ATP6V0A1: variants seen among roughly 807,000 people sequenced by gnomAD.
ATP6V0A1 encodes ATPase H+ transporting V0 subunit a1.
ATP6V0A1 carries 43 observed loss-of-function variants against 105.4 expected under a neutral mutation model. That is an observed-to-expected ratio of 0.41 (90% CI 0.32 to 0.53). ATP6V0A1 has a LOEUF of 0.53. Ranked by LOEUF, ATP6V0A1 falls within the 20% of genes least tolerant of loss-of-function variation. The pLI, the probability that ATP6V0A1 is intolerant of heterozygous loss-of-function variation, is 0.30. For synonymous variants in ATP6V0A1, 362 were observed against 372.8 expected, an observed-to-expected ratio of 0.97 and a Z score of 0.33; for missense variants, 676 against 1,051.1, an observed-to-expected ratio of 0.64 and a Z score of 4.93.
intron 11 of ATP6V0A1, among the ~76,000 whole-genome samples, chr17:42,491,204 C>G (rs1361910549): frequency 6.6e-6 from 1 of 152,154 alleles, no homozygotes; most frequent in African/African-American, 2.4e-5. Flanking sequence ...CCCACTATGC[C>G]TGGCCTTTTT....
intron 17 of ATP6V0A1, chr17:42,502,958 A>G (rs989613771): frequency 6.6e-6 from 1 of 152,504 alleles, no homozygotes; most frequent in Non-Finnish European, 1.5e-5. Context: ...AATTGAGAGC[A>G]TGGGACATGT....
Position 42,483,106 on chromosome 17 carries a change from A to G in ATP6V0A1, c.785A>G (p.Asn262Ser). The change falls in exon 9 of 22, where the codon AAT becomes AGT. Residue 262 changes from asparagine (N) to serine (S), a missense_variant. Transcript: ENST00000343619. ...QERKEMASGV[N>S]TRIDDLQMVL... ...AGGAAGGAAATGGCTTCTGGAGTGA[A>G]TACCAGGATTGATGATCTCCAAATG... 1 of 1,550,188 alleles carries G rather than the reference A, an allele frequency of 6.5e-7. No individual in the cohort carries two copies. Among genetic ancestry groups the G allele is most frequent in the Non-Finnish European group, 8.7e-7 (1 of 1,143,760 alleles).
chr17:42,517,795 C>T (rs2092691970), intron 21 of ATP6V0A1: 2 of 152,268 alleles, frequency 1.3e-5, no homozygotes, highest in Non-Finnish European at 2.9e-5. Context: ...TTCCTGGCAT[C>T]CATCCTAGGC....
chr17:42,509,701 T>G (rs1408419601), intron 19 of ATP6V0A1: 1 of 152,214 alleles, frequency 6.6e-6, no homozygotes, highest in African/African-American at 2.4e-5. Flanking sequence ...TTTTAAATGT[T>G]TTCCTAGCCG....
At chr17:42,490,378 T>A (rs1213296625) in intron 10 of ATP6V0A1, 109 bp from the exon 11 acceptor site, 2 of 954,486 alleles carry the variant, frequency 2.1e-6, no homozygotes, top group Non-Finnish European at 1.5e-6. Flanking sequence ...AGAAAATACA[T>A]ACATTTTATG....
chr17:42,462,527 C>A (rs1240037570), intron 2 of ATP6V0A1, among the ~76,000 whole-genome samples: 2 of 151,998 alleles, frequency 1.3e-5, no homozygotes, highest in Non-Finnish European at 2.9e-5. Flanking sequence ...TCAAGCAATT[C>A]TCCTGCCTCA....
At chr17:42,459,259 G>T (rs908312912) in intron 1 of ATP6V0A1, 1 of 152,306 alleles carries the variant, frequency 6.6e-6, no homozygotes, top group African/African-American at 2.4e-5. Context: ...TCAGTTTGGG[G>T]GTTTTCCTCT....
At chr17:42,495,533 A>G in intron 13 of ATP6V0A1, 93 bp from the exon 14 acceptor site, 1 of 951,030 alleles carries the variant, frequency 1.1e-6, no homozygotes, top group South Asian at 1.4e-5. Flanking sequence ...GAGACAAGAT[A>G]GCTACAGTAA....
chr17:42,509,328 T>TA (rs2092225255), intron 19 of ATP6V0A1, among the ~76,000 whole-genome samples: 1 of 152,168 alleles, frequency 6.6e-6, no homozygotes, highest in East Asian at 1.9e-4. Flanking sequence ...CTTAGCAACA[T>TA]ACACTCTTTA....
At chr17:42,513,099 A>T (rs964160244) in intron 19 of ATP6V0A1, among the ~76,000 whole-genome samples, 1 of 152,218 alleles carries the variant, frequency 6.6e-6, no homozygotes, top group African/African-American at 2.4e-5. Context: ...AATTCTTGGT[A>T]TTGAAAGGAA....
chr17:42,497,400 C>T (rs941653593), intron 14 of ATP6V0A1, among the ~76,000 whole-genome samples: 15 of 151,234 alleles, frequency 9.9e-5, no homozygotes, highest in Non-Finnish European at 2.1e-4. Context: ...TAGCTGGGCA[C>T]GGTGGCTCAC....
chr17:42,468,369 C>T (rs1194401564), intron 4 of ATP6V0A1, among the ~76,000 whole-genome samples: 1 of 152,148 alleles, frequency 6.6e-6, no homozygotes, highest in African/African-American at 2.4e-5. Flanking sequence ...TTTACCATTT[C>T]TATGTGTTGG....
chr17:42,514,959 G>C (rs527984734), intron 21 of ATP6V0A1, among the ~76,000 whole-genome samples: 1 of 152,278 alleles, frequency 6.6e-6, no homozygotes, highest in South Asian at 2.1e-4. Context: ...GGACCGGAGG[G>C]ATTCCTGGCT....
At chr17:42,466,347 C>T (rs2087057323) in intron 2 of ATP6V0A1, 82 bp from the exon 3 acceptor site, 16 of 1,237,752 alleles carry the variant, frequency 1.3e-5, no homozygotes, top group South Asian at 3.8e-5. Context: ...ATTAGTTTTT[C>T]GCTTTGCAGA....
intron 2 of ATP6V0A1, among the ~76,000 whole-genome samples, chr17:42,463,072 C>A (rs2086631079): frequency 8.1e-6 from 1 of 122,776 alleles, no homozygotes; most frequent in African/African-American, 3.1e-5. Flanking sequence ...GTGGTGCGAT[C>A]TTGGCTCACT....
chr17:42,517,281 A>AAACAAC (rs547241454), intron 21 of ATP6V0A1, among the ~76,000 whole-genome samples: 1 of 149,694 alleles, frequency 6.7e-6, no homozygotes, highest in Non-Finnish European at 1.5e-5. Context: ...CTCCGTCTCA[A>AAACAAC]AACAACAACA....
chr17:42,495,478 G>T, intron 13 of ATP6V0A1, 148 bp from the exon 14 acceptor site: 1 of 679,072 alleles, frequency 1.5e-6, no homozygotes, highest in Non-Finnish European at 2.5e-6. Flanking sequence ...CTCAGTCTCA[G>T]CTGCTAGTCT....
chr17:42,461,628 T>C (rs967270851), intron 2 of ATP6V0A1, among the ~76,000 whole-genome samples: 6 of 151,836 alleles, frequency 4.0e-5, no homozygotes, highest in Non-Finnish European at 8.8e-5. Context: ...CAAAAAAAAT[T>C]AGCATGGTGG....
chr17:42,495,092 T>C lies in ATP6V0A1; in HGVS notation c.1373T>C (p.Met458Thr). 1 of 1,614,032 alleles carries C rather than the reference T, an allele frequency of 6.2e-7. No individual in the cohort carries two copies. The highest frequency in any genetic ancestry group is 1.1e-5 in the South Asian group (1 of 91,078). The change falls in exon 13 of 22, where the codon ATG (methionine) becomes ACG (threonine). Residue 458 changes from methionine (M) to threonine (T), a missense_variant. By Grantham distance (81) the Met-to-Thr change is moderately conservative. Transcript: ENST00000343619. ...ATTTTATTGATGGGTGTGTTCTCCA[T>C]GTACACTGGCCTCATCTACAATGAT... ...YIILLMGVFS[M>T]YTGLIYNDCF...
Sources: allele counts gnomAD v4.1 joint callset (sites outside exome capture counted in the v4.1 genomes callset), GRCh38; gene constraint gnomAD v4.1.1; transcripts MANE v1.5; gene names NCBI Gene and HGNC (gene_info 2026-07-23, HGNC 2026-07-21).